The following FSTL5 variants were observed in gnomAD, a reference collection of about 807,000 sequenced individuals.
FSTL5 encodes the protein follistatin-related protein 5.
A neutral mutation model predicts 89.1 loss-of-function variants in FSTL5; 62 were observed. The observed-to-expected ratio is 0.70, with a 90% confidence interval of 0.57 to 0.86. The LOEUF (loss-of-function observed/expected upper bound fraction) is 0.86. Ranked by LOEUF, FSTL5 falls within the 40% of genes least tolerant of loss-of-function variation. The pLI is 0.00. For missense variants in FSTL5, 1,057 were observed against 1,001.6 expected (o/e 1.06, Z -0.75); for synonymous variants, 383 against 346.2 (o/e 1.11, Z -1.18).
chr4:162,144,089 G>A (rs1732875273), intron 1 of FSTL5, among the ~76,000 whole-genome samples: 1 of 152,098 alleles, frequency 6.6e-6, no homozygotes, highest in Non-Finnish European at 1.5e-5. Context: ...TTATAGCACA[G>A]CAAACACAGT....
At chr4:161,587,350 G>T in intron 8 of FSTL5, 105 bp downstream of exon 8, 1 of 983,634 alleles carries the variant, frequency 1.0e-6, no homozygotes, top group Non-Finnish European at 1.5e-6. Context: ...CTCAAAACTT[G>T]AAATATTATT....
At position 161,455,072 on chromosome 4, in the gene FSTL5, C is replaced by T. The variant is rs1454517315; in HGVS notation, c.1773G>A (p.Val591=). The T allele has an allele frequency of 2.5e-6, 4 of 1,613,384 alleles. No homozygotes were observed. The African/African-American group carries it at 4.0e-5, about 16-fold the overall frequency. The stretch of plus-strand genomic sequence containing the variant: ...CATCCACTCTGTCAAATTGCTTTCC[C>T]ACTGGTTGGGTGTGGATCGTGTGGT... The part of the protein sequence containing the change: ...VPHHTIHTQP[V]GKQFDRVDDF... Residue 591 remains valine, a synonymous_variant, in exon 15 of 16, where the codon GTG becomes GTA. Coordinates refer to ENST00000306100, the MANE Select transcript of FSTL5 (RefSeq NM_020116.5).
chr4:161,435,869 AC>A (rs1187156226), intron 15 of FSTL5, among the ~76,000 whole-genome samples: 1 of 152,140 alleles, frequency 6.6e-6, no homozygotes, highest in African/African-American at 2.4e-5. Context: ...TAATTCTACC[AC>A]AAAGAAACAA....
In FSTL5 at chr4:161,565,908, C is replaced by T. The variant is rs1040186666; in HGVS notation, c.1015+21547G>A. ...GCAGATGTCTTTTTTATATGATGAC[C>T]TGTTTTTCTTTGGGTATATATGTAG... On this transcript the variant is annotated intron_variant, in intron 8 of 15. Transcript: ENST00000306100. Among the ~76,000 whole-genome samples, 4 of 150,530 alleles carry T rather than the reference C, an allele frequency of 2.7e-5. No homozygotes were observed. In the East Asian group the frequency reaches 5.9e-4, roughly 22 times the overall value.
At chr4:161,868,833 T>C (rs1270727402) in intron 4 of FSTL5, among the ~76,000 whole-genome samples, 2 of 152,222 alleles carry the variant, frequency 1.3e-5, no homozygotes, top group African/African-American at 4.8e-5. Context: ...AACTATCATT[T>C]CCTTTAACCA....
chr4:162,011,942 A>G (rs1217153163), intron 3 of FSTL5, among the ~76,000 whole-genome samples: 1 of 152,088 alleles, frequency 6.6e-6, no homozygotes, highest in African/African-American at 2.4e-5. Context: ...CTGTCATTAC[A>G]TTTCTCTCTG....
At chr4:161,752,126 A>G (rs2126782700) in intron 6 of FSTL5, among the ~76,000 whole-genome samples, 1 of 152,302 alleles carries the variant, frequency 6.6e-6, no homozygotes, top group African/African-American at 2.4e-5. Context: ...AGAGATACAA[A>G]ATAGTGACAC....
chr4:162,057,754 G>GC (rs2111272927), intron 2 of FSTL5, among the ~76,000 whole-genome samples: 1 of 152,110 alleles, frequency 6.6e-6, no homozygotes, highest in East Asian at 1.9e-4. Flanking sequence ...GACCAGCCTG[G>GC]CCAACATGGT....
At chr4:161,682,020 T>G (rs954545457) in intron 6 of FSTL5, among the ~76,000 whole-genome samples, 1 of 152,316 alleles carries the variant, frequency 6.6e-6, no homozygotes, top group Non-Finnish European at 1.5e-5. Flanking sequence ...CAAACCTGTA[T>G]AGCATGTTAC....
chr4:161,406,233 C>T (rs1035993070), intron 15 of FSTL5, among the ~76,000 whole-genome samples: 9 of 151,994 alleles, frequency 5.9e-5, no homozygotes, highest in African/African-American at 2.2e-4. Flanking sequence ...TTTTCATTTG[C>T]CTCAAAGTAT....
intron 15 of FSTL5, among the ~76,000 whole-genome samples, chr4:161,449,214 TAC>T (rs1733063581): frequency 6.6e-6 from 1 of 151,992 alleles, no homozygotes; most frequent in African/African-American, 2.4e-5. Flanking sequence ...CATGCACACA[TAC>T]ACACACACCC....
At chr4:161,729,410 A>G (rs2126760625) in intron 6 of FSTL5, among the ~76,000 whole-genome samples, 1 of 152,268 alleles carries the variant, frequency 6.6e-6, no homozygotes, top group South Asian at 2.1e-4. Flanking sequence ...ACATTTTATG[A>G]TGCTGATCAT....
At chr4:161,582,268 T>A (rs1733461239) in intron 8 of FSTL5, among the ~76,000 whole-genome samples, 1 of 152,232 alleles carries the variant, frequency 6.6e-6, no homozygotes, top group Non-Finnish European at 1.5e-5. Context: ...ATATTTTAAA[T>A]TCTGAAAGCC....
intron 3 of FSTL5, among the ~76,000 whole-genome samples, chr4:161,944,111 G>A (rs1734671201): frequency 6.6e-6 from 1 of 152,066 alleles, no homozygotes; most frequent in Admixed American, 6.6e-5. Flanking sequence ...GTTCTATCTG[G>A]ATACGAAACT....
chr4:161,421,138 G>A (rs902542977), intron 15 of FSTL5, among the ~76,000 whole-genome samples: 6 of 151,942 alleles, frequency 3.9e-5, no homozygotes, highest in African/African-American at 1.2e-4. Flanking sequence ...TCAGGAGATC[G>A]AGACCATCCT....
At chr4:161,567,019 G>A (rs534406372) in intron 8 of FSTL5, among the ~76,000 whole-genome samples, 18 of 152,118 alleles carry the variant, frequency 1.2e-4, no homozygotes, top group African/African-American at 4.3e-4. Context: ...AATTTACTAT[G>A]TATTACATGA....
intron 6 of FSTL5, among the ~76,000 whole-genome samples, chr4:161,703,481 C>T (rs1386050253): frequency 2.0e-5 from 3 of 152,046 alleles, no homozygotes; most frequent in Non-Finnish European, 4.4e-5. Flanking sequence ...TCAAAATTAC[C>T]CTTGAGCTCA....
chr4:161,773,610 G>A (rs909377545), intron 5 of FSTL5, among the ~76,000 whole-genome samples: 1 of 152,020 alleles, frequency 6.6e-6, no homozygotes, highest in Non-Finnish European at 1.5e-5. Flanking sequence ...CATCACTAAT[G>A]GTCAGGGAAA....
At chr4:162,053,921 G>A (rs986771484) in intron 2 of FSTL5, among the ~76,000 whole-genome samples, 4 of 151,104 alleles carry the variant, frequency 2.6e-5, no homozygotes, top group African/African-American at 9.7e-5. Context: ...TTTTCCAGAG[G>A]AAAAAAACAA....
Sources: allele counts gnomAD v4.1 joint callset (sites outside exome capture counted in the v4.1 genomes callset), GRCh38; gene constraint gnomAD v4.1.1; transcripts MANE v1.5; gene names NCBI Gene and HGNC (gene_info 2026-07-23, HGNC 2026-07-21).